The following AQP9 variants were observed in gnomAD, a reference collection of about 807,000 sequenced individuals.
AQP9 encodes aquaporin 9.
In AQP9, 19 loss-of-function variants were observed where a neutral mutation model predicts 23.8. The ratio of observed to expected loss-of-function variants is 0.80; its 90% CI spans 0.56 to 1.17. AQP9 has a LOEUF of 1.17. AQP9 is among the 50% of genes most tolerant of loss of function. AQP9 has a pLI of 0.00. For missense variants in AQP9, 413 were observed against 362.0 expected (o/e 1.14, Z -1.14); for synonymous variants, 153 against 131.5 (o/e 1.16, Z -1.12).
At chr15:58,156,938 A>G (rs1397637214) in intron 1 of AQP9, among the ~76,000 whole-genome samples, 2 of 152,200 alleles carry the variant, frequency 1.3e-5, no homozygotes, top group African/African-American at 4.8e-5. Flanking sequence ...TCTTTGTCCA[A>G]AGGTTTCCTT....
intron 1 of AQP9, chr15:58,152,137 G>A (rs1240671500): frequency 6.6e-6 from 1 of 151,992 alleles, no homozygotes; most frequent in South Asian, 2.1e-4. Flanking sequence ...TTCAAACTAC[G>A]AGCGAGTCCA....
In AQP9 at chr15:58,174,974, G is replaced by C. The variant is rs1416194251; in HGVS notation, c.433G>C (p.Ala145Pro). The change falls in exon 4 of 6, where the codon GCA becomes CCA. Residue 145 changes from alanine (A) to proline (P), a missense_variant. By Grantham distance (27) the Ala-to-Pro change is conservative (BLOSUM62 -1). Transcript: ENST00000219919. ...KLLIVGENAT[A>P]HIFATYPAPY... is the part of the protein sequence containing the mutation. ...GCTGATCGTGGGAGAAAATGCAACA[G>C]CACACATTTTTGCAACATACCCAGC... 2 of 1,614,058 alleles carry C rather than the reference G, an allele frequency of 1.2e-6. No homozygotes were observed. Among genetic ancestry groups the C allele is most frequent in the Non-Finnish European group, 1.7e-6 (2 of 1,180,022 alleles).
At chr15:58,159,064 G>A (rs1171553554) in intron 1 of AQP9, among the ~76,000 whole-genome samples, 1 of 152,130 alleles carries the variant, frequency 6.6e-6, no homozygotes, top group Non-Finnish European at 1.5e-5. Flanking sequence ...GCAGGGTTAC[G>A]TGCAATAAAA....
At chr15:58,165,306 T>G (rs1898474152) in intron 1 of AQP9, among the ~76,000 whole-genome samples, 1 of 152,246 alleles carries the variant, frequency 6.6e-6, no homozygotes, top group Non-Finnish European at 1.5e-5. Flanking sequence ...CAAGTATTTC[T>G]TCAATGGACT....
chr15:58,138,656 T>C lies in AQP9; in HGVS notation c.91T>C (p.Leu31=), dbSNP rs747606672. 6.3e-5 allele frequency: 102 copies of C among 1,613,610 alleles called. No homozygotes were observed. Among genetic ancestry groups the C allele is most frequent in the Non-Finnish European group, 8.2e-5 (97 of 1,179,692 alleles). Residue 31 remains leucine, a synonymous_variant, in exon 1 of 6, where the codon TTG becomes CTG. Coordinates refer to ENST00000219919, the MANE Select transcript of AQP9 (RefSeq NM_020980.5). ...SLAKETLSEF[L]GTFILIVLGC... ...AGCGAAAGAAACCCTCTCTGAGTTC[T>C]TGGGCACGTTCATCTTGATTGTAAG...
chr15:58,156,890 G>A (rs1277470984), intron 1 of AQP9, among the ~76,000 whole-genome samples: 4 of 152,114 alleles, frequency 2.6e-5, no homozygotes, highest in South Asian at 2.1e-4. Context: ...TATCAGGTGC[G>A]CTTACCCTAC....
At chr15:58,155,148 C>G (rs542486648) in intron 1 of AQP9, 2 of 152,366 alleles carry the variant, frequency 1.3e-5, no homozygotes, top group East Asian at 1.9e-4. Flanking sequence ...TAACTGCCTT[C>G]TCTTCAATCA....
At chr15:58,139,868 C>T (rs560870672) in intron 1 of AQP9, among the ~76,000 whole-genome samples, 4 of 152,288 alleles carry the variant, frequency 2.6e-5, no homozygotes, top group Middle Eastern at 3.4e-3. Flanking sequence ...TTCCTGGCTG[C>T]TCTGACCACA....
chr15:58,147,208 A>AT (rs200615170), intron 1 of AQP9, among the ~76,000 whole-genome samples: 18 of 149,960 alleles, frequency 1.2e-4, no homozygotes, highest in East Asian at 3.9e-4. Flanking sequence ...AAGGGGAAGT[A>AT]TTTTTTTTTT....
chr15:58,156,265 A>G (rs941468811), intron 1 of AQP9, among the ~76,000 whole-genome samples: 1 of 152,224 alleles, frequency 6.6e-6, no homozygotes, highest in African/African-American at 2.4e-5. Flanking sequence ...CTAATACATT[A>G]GTGCTTTTAT....
intron 1 of AQP9, among the ~76,000 whole-genome samples, chr15:58,142,655 C>T (rs57882243): frequency 0.02 from 2,987 of 152,250 alleles, 106 homozygotes; most frequent in African/African-American, 0.069. Context: ...CTAGCTTTTC[C>T]TCAAGACCAC....
At position 58,173,166 on chromosome 15, in the gene AQP9, G is replaced by A. The variant is rs1217237468; in HGVS notation, c.337G>A (p.Ala113Thr). ...PFYVGAQFLG[A>T]FVGAATVFGI... ...TTATGTGGGAGCCCAGTTCTTGGGA[G>A]CCTTTGTGGGGGCTGCAACCGTCTT... is the stretch of plus-strand genomic sequence containing the variant. Residue 113 changes from alanine (A) to threonine (T), a missense_variant, in exon 3 of 6, where the codon GCC (alanine) becomes ACC (threonine). Transcript: ENST00000219919. 5 of 1,614,046 alleles carry A rather than the reference G, an allele frequency of 3.1e-6. No homozygotes were observed. In the African/African-American group the frequency reaches 5.3e-5, roughly 17 times the overall value.
intron 5 of AQP9, among the ~76,000 whole-genome samples, chr15:58,181,898 C>T (rs1223531934): frequency 6.6e-6 from 1 of 152,082 alleles, no homozygotes; most frequent in Non-Finnish European, 1.5e-5. Flanking sequence ...CAACAGGCTT[C>T]CAAAGTGTTC....
intron 1 of AQP9, among the ~76,000 whole-genome samples, chr15:58,141,180 A>G (rs1477125830): frequency 2.6e-5 from 4 of 152,166 alleles, no homozygotes; most frequent in Admixed American, 1.3e-4. Context: ...GAGAATCTCT[A>G]GTCATGTCTA....
At chr15:58,169,465 GTA>G (rs1414985965) in intron 2 of AQP9, among the ~76,000 whole-genome samples, 1 of 152,214 alleles carries the variant, frequency 6.6e-6, no homozygotes, top group Non-Finnish European at 1.5e-5. Flanking sequence ...AACAGCATCA[GTA>G]TCAGCTTTGG....
rs145771255 is a variant in AQP9 at position 58,166,789 on chromosome 15, C to T, written c.228C>T (p.Gly76=). Reference sequence around the variant, plus strand: ...TTGCAATGGCCATTTATGTGGCTGGCGGTGTCTCTGGTAAGCAGTAGAAAT... The same window carrying T: ...TTGCAATGGCCATTTATGTGGCTGGTGGTGTCTCTGGTAAGCAGTAGAAAT... ...MAVAMAIYVA[G]GVSGGHINPA... Residue 76 remains glycine (G), a synonymous_variant, in exon 2 of 6, where the codon GGC becomes GGT. Transcript: ENST00000219919. 34 of 1,613,534 alleles carry T rather than the reference C, an allele frequency of 2.1e-5. No individual in the cohort carries two copies. Among genetic ancestry groups the T allele is most frequent in the Middle Eastern group, 1.6e-4 (1 of 6,080 alleles).
intron 5 of AQP9, among the ~76,000 whole-genome samples, chr15:58,182,395 A>G (rs771731358): frequency 5.3e-5 from 8 of 152,158 alleles, no homozygotes; most frequent in Non-Finnish European, 1.2e-4. Context: ...GAGCGCCTCC[A>G]TTTGTGACTT....
At position 58,171,793 on chromosome 15, in the gene AQP9, A is replaced by G. The variant is rs115510874; in HGVS notation, c.239-1275A>G. Among the ~76,000 whole-genome samples the G allele has an allele frequency of 5.1e-3, 773 of 152,200 alleles. 4 individuals are homozygous for G. The highest frequency in any genetic ancestry group is 0.018 in the African/African-American group (737 of 41,532). On this transcript the variant is annotated intron_variant, in intron 2 of 5. Transcript: ENST00000219919. The stretch of plus-strand genomic sequence containing the variant: ...CATAGCTTTCTCCACAGGGAGTGGT[A>G]GAGGCTTCTGGAAACAAGTGCACCT...
chr15:58,166,429 T>G (rs1898504446), intron 1 of AQP9, among the ~76,000 whole-genome samples: 1 of 152,258 alleles, frequency 6.6e-6, no homozygotes, highest in Non-Finnish European at 1.5e-5. Flanking sequence ...TCCTGATTTA[T>G]AAATGTAGGC....
Sources: allele counts gnomAD v4.1 joint callset (sites outside exome capture counted in the v4.1 genomes callset), GRCh38; gene constraint gnomAD v4.1.1; transcripts MANE v1.5; gene names NCBI Gene and HGNC (gene_info 2026-07-23, HGNC 2026-07-21).